Variants in SHISA9 observed in about 807,000 individuals in gnomAD.
The protein encoded by SHISA9 is shisa family member 9.
In SHISA9, 13 loss-of-function variants were observed where a neutral mutation model predicts 38.0. The ratio of observed to expected loss-of-function variants is 0.34; its 90% confidence interval spans 0.22 to 0.54. The LOEUF is 0.54. Ranked by LOEUF, SHISA9 falls within the 20% of genes least tolerant of loss-of-function variation. The pLI is 0.91. For synonymous variants in SHISA9, 275 were observed against 242.0 expected (o/e 1.14, Z -1.27); for missense variants, 538 against 575.8 (o/e 0.93, Z 0.67).
intron 2 of SHISA9, among the ~76,000 whole-genome samples, chr16:13,168,511 A>T (rs1463641681): frequency 6.6e-6 from 1 of 152,206 alleles, no homozygotes; most frequent in African/African-American, 2.4e-5. Context: ...GGAAGCTGGG[A>T]AATGTAGTCT....
At chr16:13,529,566 A>G in the SHISA9 span, among the ~76,000 whole-genome samples, 6 of 152,198 alleles carry the variant, frequency 3.9e-5, no homozygotes, top group Admixed American at 1.3e-4. Flanking sequence ...TTACAGTCCA[A>G]CTGCCTTGGG....
chr16:13,123,879 A>G (rs562718310), intron 2 of SHISA9, among the ~76,000 whole-genome samples: 1 of 152,214 alleles, frequency 6.6e-6, no homozygotes, highest in Non-Finnish European at 1.5e-5. Flanking sequence ...ATTTTCAACC[A>G]CAAAATGTGA....
chr16:13,310,353 C>G, the SHISA9 span, among the ~76,000 whole-genome samples: 1 of 151,670 alleles, frequency 6.6e-6, no homozygotes, highest in South Asian at 2.1e-4. Flanking sequence ...GTTTAAAGAA[C>G]AGTTTAGTGA....
At position 12,902,106 on chromosome 16, in the gene SHISA9, C is replaced by G; in HGVS notation, c.42C>G (p.Thr14=). 1 of 1,498,880 alleles carries G rather than the reference C, an allele frequency of 6.7e-7. No individual in the cohort carries two copies. The highest frequency in any genetic ancestry group is 8.8e-7 in the Non-Finnish European group (1 of 1,132,674). The allele number at this position is 1,498,880 out of a possible 1,614,324, so 92.8% of individuals were successfully genotyped here. The part of the protein sequence containing the change: ...VLRLLLGCFL[T]ELCARVCRAQ... The stretch of plus-strand genomic sequence containing the variant: ...GGCTGCTCCTCGGTTGCTTCCTCAC[C>G]GAGCTGTGCGCCCGCGTGTGCCGGG... Residue 14 remains threonine, a synonymous_variant, in exon 1 of 5, where the codon ACC becomes ACG. Coordinates refer to ENST00000558583, the MANE Select transcript of SHISA9 (RefSeq NM_001145204.3).
At chr16:13,286,740 A>G in the SHISA9 span, among the ~76,000 whole-genome samples, 1 of 152,272 alleles carries the variant, frequency 6.6e-6, no homozygotes, top group Admixed American at 6.5e-5. Context: ...CCATAGATAG[A>G]TTTTCAAGAA....
At chr16:12,960,236 T>C (rs1448829119) in intron 2 of SHISA9, among the ~76,000 whole-genome samples, 12 of 152,236 alleles carry the variant, frequency 7.9e-5, no homozygotes, top group African/African-American at 2.7e-4. Context: ...CGTCACAATG[T>C]CTAGCGTAGT....
At chr16:13,203,661 C>T (rs2051029310) in intron 3 of SHISA9, 112 bp downstream of exon 3, 5 of 1,153,688 alleles carry the variant, frequency 4.3e-6, no homozygotes, top group Non-Finnish European at 5.8e-6. Context: ...TTCTAGCTCT[C>T]TTTTTTTCTC....
the SHISA9 span, chr16:13,458,632 A>G: frequency 5.4e-6 from 2 of 367,314 alleles, no homozygotes; most frequent in Non-Finnish European, 1.1e-5. Context: ...ATACAACACT[A>G]TTATGCAGAT....
chr16:13,029,166 A>G (rs535820639), intron 2 of SHISA9, among the ~76,000 whole-genome samples: 2 of 152,350 alleles, frequency 1.3e-5, no homozygotes, highest in East Asian at 1.9e-4. Flanking sequence ...GGAAATCAGT[A>G]TATCAAAGAG....
intron 2 of SHISA9, among the ~76,000 whole-genome samples, chr16:13,168,576 T>C (rs1272307492): frequency 2.0e-5 from 3 of 152,094 alleles, no homozygotes. Flanking sequence ...TACTACACCA[T>C]GAAAGGGAGA....
At chr16:13,016,588 T>G (rs549859942) in intron 2 of SHISA9, among the ~76,000 whole-genome samples, 48 of 152,332 alleles carry the variant, frequency 3.2e-4, no homozygotes, top group Admixed American at 7.8e-4. Context: ...TGTTGTTGTT[T>G]TTTGCTGTTT....
the SHISA9 span, among the ~76,000 whole-genome samples, chr16:13,554,489 T>A: frequency 3.3e-5 from 5 of 151,048 alleles, no homozygotes. Context: ...GTTTCCTTTT[T>A]TTTTTTCTTT....
chr16:13,299,424 A>G, the SHISA9 span, among the ~76,000 whole-genome samples: 1 of 152,134 alleles, frequency 6.6e-6, no homozygotes, highest in Non-Finnish European at 1.5e-5. Flanking sequence ...GCAGCAGAAG[A>G]GTTCAGAGTC....
the SHISA9 span, among the ~76,000 whole-genome samples, chr16:13,546,021 C>A: frequency 6.6e-6 from 1 of 152,114 alleles, no homozygotes; most frequent in Non-Finnish European, 1.5e-5. Flanking sequence ...GTGTGGATGG[C>A]ACCTGAATTA....
chr16:13,241,502 A>G (rs571885426), downstream of SHISA9, among the ~76,000 whole-genome samples: 3 of 152,244 alleles, frequency 2.0e-5, no homozygotes, highest in Admixed American at 6.5e-5. Context: ...GCCAAACTCC[A>G]TCTCAAAAAA....
At chr16:13,557,935 C>A in the SHISA9 span, among the ~76,000 whole-genome samples, 1 of 152,146 alleles carries the variant, frequency 6.6e-6, no homozygotes, top group Non-Finnish European at 1.5e-5. Context: ...TCTGCATGGA[C>A]ACACTTTTCT....
Position 12,902,032 on chromosome 16 carries a change from G to T in SHISA9, c.-33G>T. On this transcript the variant is annotated 5_prime_UTR_variant, in exon 1 of 5. Transcript: ENST00000558583. Reference sequence around the variant, plus strand: ...AGGCGGCCGCAGAGGCTCCAGCGGCGGCCGAGCGGCCGAGCCCGGGCTGGG... The same window carrying T: ...AGGCGGCCGCAGAGGCTCCAGCGGCTGCCGAGCGGCCGAGCCCGGGCTGGG... 3.5e-6 allele frequency: 5 copies of T among 1,426,918 alleles called. No individual in the cohort carries two copies. The South Asian group carries it at 5.7e-5, about 16-fold the overall frequency. The allele number at this position is 1,426,918 out of a possible 1,614,324, so 88.4% of individuals were successfully genotyped here.
At chr16:12,925,045 C>T (rs947926992) in intron 2 of SHISA9, among the ~76,000 whole-genome samples, 2 of 148,418 alleles carry the variant, frequency 1.3e-5, no homozygotes, top group African/African-American at 2.4e-5. Context: ...ACTATTGGTG[C>T]GAAAGTTGGC....
At chr16:13,480,243 CTT>C in the SHISA9 span, among the ~76,000 whole-genome samples, 1 of 152,086 alleles carries the variant, frequency 6.6e-6, no homozygotes, top group Non-Finnish European at 1.5e-5. Flanking sequence ...TTTATTCTCT[CTT>C]TTCTCAAGGG....
Sources: allele counts gnomAD v4.1 joint callset (sites outside exome capture counted in the v4.1 genomes callset), GRCh38; gene constraint gnomAD v4.1.1; transcripts MANE v1.5; gene names NCBI Gene and HGNC (gene_info 2026-07-23, HGNC 2026-07-21).